PTPN4: variants seen among roughly 807,000 people sequenced by gnomAD.
PTPN4 encodes protein tyrosine phosphatase non-receptor type 4, also known as tyrosine-protein phosphatase non-receptor type 4.
A neutral mutation model predicts 135.5 loss-of-function variants in PTPN4; 49 were observed. The ratio of observed to expected loss-of-function variants is 0.36; its 90% CI spans 0.29 to 0.46. The LOEUF (loss-of-function observed/expected upper bound fraction) is 0.46. Among genes scored for constraint, PTPN4 ranks in the 20% least tolerant of loss-of-function variants. The pLI, the probability that PTPN4 is intolerant of heterozygous loss-of-function variation, is 1.00. For missense variants in PTPN4, 860 were observed against 1,101.0 expected (o/e 0.78, Z 3.10); for synonymous variants, 333 against 369.9 (o/e 0.90, Z 1.14).
rs768983862 is a variant in PTPN4 at position 119,801,900 on chromosome 2, GTT to G, written c.-17-7918_-17-7917del. ...TTCTGTTTTTTCTTTCTTTCTTTCCGTTTTTTTTTTTTTTTTTTTTGAGGCAG... is the reference window on the plus strand; with the variant it reads ...TTCTGTTTTTTCTTTCTTTCTTTCCGTTTTTTTTTTTTTTTTTTGAGGCAG... On this transcript the variant is annotated intron_variant, in intron 1 of 26. Transcript: ENST00000263708. Among the ~76,000 whole-genome samples the G allele has an allele frequency of 7.6e-3, 754 of 98,686 alleles. 6 individuals carry two copies. Among genetic ancestry groups the G allele is most frequent in the African/African-American group, 0.024 (635 of 26,382 alleles). The allele number at this position is 98,686 out of a possible 152,430, so 64.7% of individuals were successfully genotyped here.
Position 119,962,707 on chromosome 2 carries a change from C to T in PTPN4, c.2372C>T (p.Ala791Val). The change falls in exon 24 of 27, where the codon GCC (alanine) becomes GTC (valine). Residue 791 changes from alanine (A) to valine (V), a missense_variant. Transcript: ENST00000263708. ...VTCHSEEGNT[A>V]YIFRKMTLFN... ...TGCCACTCTGAAGAAGGAAACACTGCCTATATCTTCAGGAAGATGACCCTA... is the reference window on the plus strand; with the variant it reads ...TGCCACTCTGAAGAAGGAAACACTGTCTATATCTTCAGGAAGATGACCCTA... 1 of 1,588,494 alleles carries T rather than the reference C, an allele frequency of 6.3e-7. No homozygotes were observed. The highest frequency in any genetic ancestry group is 8.6e-7 in the Non-Finnish European group (1 of 1,162,096).
In PTPN4 at chr2:119,774,529, G is replaced by A. The variant is rs569445359; in HGVS notation, c.-18+14145G>A. Among the ~76,000 whole-genome samples, 71 of 152,252 alleles carry A rather than the reference G, an allele frequency of 4.7e-4. No individual in the cohort carries two copies. The South Asian group carries it at 0.013, about 28-fold the overall frequency. On this transcript the variant is annotated intron_variant, in intron 1 of 26. Coordinates refer to ENST00000263708, the MANE Select transcript of PTPN4 (RefSeq NM_002830.4). ...CAGGATTGCTATTAGAAAGGCACAC[G>A]TATAGACTCTAATATGATTTGAGTA...
In PTPN4 at chr2:119,812,706, C is replaced by A. The variant is rs367776626; in HGVS notation, c.138+2715C>A. ...ATGGAGTGTATTGTCCCTCTCATGC[C>A]GTGAATTCATTGTCACTAAATGAAT... On this transcript the variant is annotated intron_variant, in intron 2 of 26. Coordinates refer to ENST00000263708, the MANE Select transcript of PTPN4 (RefSeq NM_002830.4). Among the ~76,000 whole-genome samples, 5 of 152,244 alleles carry A rather than the reference C, an allele frequency of 3.3e-5. No homozygotes were observed. In the South Asian group the frequency reaches 8.3e-4, roughly 25 times the overall value.
chr2:119,783,845 A>T (rs1690992753), intron 1 of PTPN4, among the ~76,000 whole-genome samples: 1 of 152,226 alleles, frequency 6.6e-6, no homozygotes, highest in Middle Eastern at 3.2e-3. Context: ...AGGATCTCTC[A>T]GTGAGGAATT....
At chr2:119,880,692 G>A (rs1023911281) in intron 5 of PTPN4, among the ~76,000 whole-genome samples, 3 of 151,590 alleles carry the variant, frequency 2.0e-5, no homozygotes, top group East Asian at 1.9e-4. Context: ...TGCCCGCCTC[G>A]GCCTCCCAGA....
chr2:119,782,029 G>A (rs995317794), intron 1 of PTPN4, among the ~76,000 whole-genome samples: 1 of 152,084 alleles, frequency 6.6e-6, no homozygotes, highest in South Asian at 2.1e-4. Flanking sequence ...GGCAGTGATC[G>A]AATTTTAGAA....
At chr2:119,782,393 T>C (rs1025609724) in intron 1 of PTPN4, among the ~76,000 whole-genome samples, 7 of 152,100 alleles carry the variant, frequency 4.6e-5, no homozygotes, top group Non-Finnish European at 8.8e-5. Flanking sequence ...CACTCTAGCC[T>C]GGGCGACAGA....
chr2:119,832,928 G>T (rs1452186432), intron 2 of PTPN4, among the ~76,000 whole-genome samples: 1 of 152,142 alleles, frequency 6.6e-6, no homozygotes. Context: ...AAGTAAACTG[G>T]AGATTATTTG....
intron 2 of PTPN4, among the ~76,000 whole-genome samples, chr2:119,840,074 A>G (rs1246689601): frequency 1.3e-5 from 2 of 152,148 alleles, no homozygotes; most frequent in Non-Finnish European, 2.9e-5. Context: ...ATTTTTCTTC[A>G]GCAGGTGATT....
At chr2:119,843,825 C>T (rs1225812352) in intron 2 of PTPN4, among the ~76,000 whole-genome samples, 1 of 11,580 alleles carries the variant, frequency 8.6e-5, no homozygotes, top group Non-Finnish European at 1.7e-4. Flanking sequence ...CCCTCCCGGA[C>T]GGGGCGGCTG....
At chr2:119,836,655 C>T (rs556471535) in intron 2 of PTPN4, among the ~76,000 whole-genome samples, 87 of 152,356 alleles carry the variant, frequency 5.7e-4, no homozygotes, top group African/African-American at 1.9e-3. Context: ...ACCTGGGCAT[C>T]CCTGTGCTCT....
chr2:119,835,270 C>T (rs144487589), intron 2 of PTPN4, among the ~76,000 whole-genome samples: 200 of 152,212 alleles, frequency 1.3e-3, no homozygotes, highest in African/African-American at 4.7e-3. Flanking sequence ...CTGCAACCTT[C>T]GTCCCCTGGG....
chr2:119,928,390 T>C (rs1190681626), intron 13 of PTPN4, among the ~76,000 whole-genome samples: 1 of 152,150 alleles, frequency 6.6e-6, no homozygotes, highest in African/African-American at 2.4e-5. Context: ...GAGGAAATAA[T>C]AGTTTATTAC....
intron 3 of PTPN4, 105 bp downstream of exon 3, chr2:119,862,748 T>C (rs1677779419): frequency 2.0e-5 from 17 of 851,376 alleles, no homozygotes; most frequent in Non-Finnish European, 3.0e-5. Context: ...TGAGTTTTTT[T>C]TTTACTTGAC....
rs200278968 is a variant in PTPN4 at position 119,955,944 on chromosome 2, TAATAAATAAATA to T, written c.1980+652_1980+663del. Among the ~76,000 whole-genome samples the T allele has an allele frequency of 3.8e-3, 572 of 148,854 alleles. 2 individuals carry two copies. The highest frequency in any genetic ancestry group is 6.9e-3 in the Middle Eastern group (2 of 290). On this transcript the variant is annotated intron_variant, in intron 20 of 26. Coordinates refer to ENST00000263708, the MANE Select transcript of PTPN4 (RefSeq NM_002830.4). ...AGAGTGAGACTCCATCTCAAAAAAATAATAAATAAATAAATAAATAAATAAATAAATAAATAA... is the reference window on the plus strand; with the variant it reads ...AGAGTGAGACTCCATCTCAAAAAAATAATAAATAAATAAATAAATAAATAA...
At chr2:119,798,867 CG>C (rs1414584494) in intron 1 of PTPN4, among the ~76,000 whole-genome samples, 3 of 152,068 alleles carry the variant, frequency 2.0e-5, no homozygotes, top group African/African-American at 7.3e-5. Context: ...TATTCACAGC[CG>C]TAACTAGTGG....
chr2:119,837,681 C>G (rs1230845312), intron 2 of PTPN4, among the ~76,000 whole-genome samples: 1 of 152,210 alleles, frequency 6.6e-6, no homozygotes, highest in Non-Finnish European at 1.5e-5. Flanking sequence ...TCGGGGAACC[C>G]ATACCTAGGG....
chr2:119,808,723 A>G (rs1691527546), intron 1 of PTPN4, among the ~76,000 whole-genome samples: 2 of 152,076 alleles, frequency 1.3e-5, no homozygotes, highest in Admixed American at 6.6e-5. Context: ...CAGCCCAATC[A>G]CTGTCTTTTA....
intron 1 of PTPN4, among the ~76,000 whole-genome samples, chr2:119,765,656 C>T (rs940578735): frequency 3.3e-5 from 5 of 152,100 alleles, no homozygotes; most frequent in Non-Finnish European, 7.4e-5. Flanking sequence ...TCCTTGAGCT[C>T]AAATTCTAGG....
Sources: gnomAD v4.1 joint callset for allele counts (sites outside exome capture counted in the v4.1 genomes callset) on GRCh38, gnomAD v4.1.1 for gene constraint, MANE v1.5 for transcripts, NCBI Gene and HGNC (gene_info 2026-07-23, HGNC 2026-07-21) for gene names.